NELL1: variants seen among roughly 807,000 people sequenced by gnomAD.
NELL1 encodes the protein neural EGFL like 1, also known as protein kinase C-binding protein NELL1.
Under a neutral mutation model 107.4 loss-of-function variants are expected in NELL1, and 76 were observed. The observed-to-expected ratio is 0.71, with a 90% CI of 0.59 to 0.86. NELL1 has a LOEUF of 0.86. Ranked by LOEUF, NELL1 falls within the 40% of genes least tolerant of loss-of-function variation. NELL1 has a pLI of 0.00. For synonymous variants in NELL1, 353 were observed against 341.2 expected, an observed-to-expected ratio of 1.03 and a Z score of -0.38; for missense variants, 1,024 against 1,005.5, an observed-to-expected ratio of 1.02 and a Z score of -0.25.
At chr11:20,838,150 A>T (rs1246199477) in intron 3 of NELL1, among the ~76,000 whole-genome samples, 3 of 151,772 alleles carry the variant, frequency 2.0e-5, no homozygotes, top group Non-Finnish European at 4.4e-5. Context: ...CTTCTATGGC[A>T]TTCCTCCCCA....
chr11:21,441,381 G>T (rs1026451250), intron 15 of NELL1, among the ~76,000 whole-genome samples: 2 of 123,330 alleles, frequency 1.6e-5, no homozygotes, highest in African/African-American at 6.0e-5. Context: ...GTGTGTGTGT[G>T]TTCTATGATA....
At chr11:21,002,452 G>A (rs532336609) in intron 12 of NELL1, among the ~76,000 whole-genome samples, 1 of 152,262 alleles carries the variant, frequency 6.6e-6, no homozygotes, top group African/African-American at 2.4e-5. Flanking sequence ...CTTTCTGTTT[G>A]TCTGGACAGA....
rs536566378 is a variant in NELL1, at chr11:20,745,001, G to A, written c.185-38679G>A. 1.1e-4 allele frequency among the ~76,000 whole-genome samples: 16 copies of A among 152,170 alleles called. No individual in the cohort carries two copies. In the South Asian group the frequency reaches 2.3e-3, roughly 22 times the overall value. On this transcript the variant is annotated intron_variant, in intron 2 of 19. Coordinates refer to ENST00000357134, the MANE Select transcript of NELL1 (RefSeq NM_006157.5). ...AGACATCTTTGAGGACCTTTGCCTT[G>A]GCTGAAGAAGCCTTCTCTCTACCAC...
intron 12 of NELL1, among the ~76,000 whole-genome samples, chr11:20,993,751 G>A (rs1852028527): frequency 6.6e-6 from 1 of 151,992 alleles, no homozygotes; most frequent in South Asian, 2.1e-4. Flanking sequence ...ATAATGACAA[G>A]AAAAATGTCT....
At chr11:20,910,884 G>C (rs1431861713) in intron 5 of NELL1, among the ~76,000 whole-genome samples, 1 of 152,156 alleles carries the variant, frequency 6.6e-6, no homozygotes, top group Non-Finnish European at 1.5e-5. Context: ...GATTATATAA[G>C]AATATGTATT....
At chr11:21,459,849 A>G (rs796879849) in intron 15 of NELL1, among the ~76,000 whole-genome samples, 13 of 152,230 alleles carry the variant, frequency 8.5e-5, no homozygotes, top group African/African-American at 2.9e-4. Context: ...ATGCAGACCA[A>G]TGAACTAAAG....
intron 15 of NELL1, among the ~76,000 whole-genome samples, chr11:21,450,586 A>C (rs1042844461): frequency 3.3e-5 from 5 of 152,214 alleles, no homozygotes; most frequent in African/African-American, 1.2e-4. Context: ...TGAAAGTACA[A>C]TTTAAAAATA....
intron 12 of NELL1, among the ~76,000 whole-genome samples, chr11:21,057,360 G>A (rs1853637926): frequency 6.6e-6 from 1 of 151,666 alleles, no homozygotes; most frequent in African/African-American, 2.4e-5. Flanking sequence ...TTTGGGAAGT[G>A]GATGGGAACT....
chr11:21,435,795 T>TG (rs1853098979), intron 15 of NELL1, among the ~76,000 whole-genome samples: 1 of 149,972 alleles, frequency 6.7e-6, no homozygotes, highest in African/African-American at 2.5e-5. Flanking sequence ...TGTGTGTGTG[T>TG]TTGTGTGTGT....
At chr11:21,100,822 G>GTTTCTTTC (rs200744245) in intron 12 of NELL1, among the ~76,000 whole-genome samples, 3 of 151,882 alleles carry the variant, frequency 2.0e-5, no homozygotes, top group African/African-American at 7.3e-5. Context: ...AAAGTACAAT[G>GTTTCTTTC]TTTCTTTCTT....
intron 13 of NELL1, among the ~76,000 whole-genome samples, chr11:21,133,949 C>T (rs1314923170): frequency 2.0e-5 from 3 of 152,214 alleles, no homozygotes; most frequent in Non-Finnish European, 4.4e-5. Flanking sequence ...CCATGGGGCA[C>T]GTAGCCCCAG....
intron 14 of NELL1, among the ~76,000 whole-genome samples, chr11:21,335,586 A>G (rs1045910421): frequency 6.6e-6 from 1 of 152,048 alleles, no homozygotes; most frequent in African/African-American, 2.4e-5. Flanking sequence ...TTCCCTTCAC[A>G]GGGGATCTTT....
chr11:20,991,534 A>G (rs1851971135), intron 12 of NELL1, among the ~76,000 whole-genome samples: 1 of 152,248 alleles, frequency 6.6e-6, no homozygotes, highest in South Asian at 2.1e-4. Flanking sequence ...GGCTAGAATT[A>G]AAATCCAGAT....
chr11:21,110,597 A>G (rs1036266289), intron 12 of NELL1, among the ~76,000 whole-genome samples: 30 of 152,146 alleles, frequency 2.0e-4, no homozygotes, highest in African/African-American at 6.5e-4. Context: ...ACAAGGGTCC[A>G]TGACAGGGAA....
chr11:20,871,575 G>A (rs1225285081), intron 4 of NELL1, among the ~76,000 whole-genome samples: 1 of 151,784 alleles, frequency 6.6e-6, no homozygotes, highest in Non-Finnish European at 1.5e-5. Flanking sequence ...TCTTTATAAT[G>A]CTTTGCAAAA....
In NELL1 at chr11:21,026,518, A is replaced by G. The variant is rs536306693; in HGVS notation, c.1300+65958A>G. ...CCCTTCTCTCTTATATAGTCTCCAC[A>G]GCAATCATCACTGTCTAAAATACTA... On this transcript the variant is annotated intron_variant, in intron 12 of 19. Coordinates refer to ENST00000357134, the MANE Select transcript of NELL1 (RefSeq NM_006157.5). 6.1e-4 allele frequency among the ~76,000 whole-genome samples: 93 copies of G among 152,224 alleles called. 1 individual carries two copies. In the South Asian group the frequency reaches 1.0e-2, roughly 16 times the overall value.
At position 21,069,783 on chromosome 11, in the gene NELL1, A is replaced by G. The variant is rs911296661; in HGVS notation, c.1301-43806A>G. Among the ~76,000 whole-genome samples, 10 of 152,236 alleles carry G rather than the reference A, an allele frequency of 6.6e-5. No homozygotes were observed. The East Asian group carries it at 1.9e-3, about 29-fold the overall frequency. On this transcript the variant is annotated intron_variant, in intron 12 of 19. Coordinates refer to ENST00000357134, the MANE Select transcript of NELL1 (RefSeq NM_006157.5). ...TAAGGGCCGGTGGTGTAGACTAGAA[A>G]AATATGGATTTTGCAGGCAGGAGGC...
chr11:21,450,986 G>T (rs1270836440), intron 15 of NELL1, among the ~76,000 whole-genome samples: 3 of 151,520 alleles, frequency 2.0e-5, no homozygotes, highest in Non-Finnish European at 4.4e-5. Flanking sequence ...GTCAGGAGAT[G>T]GAGACCATCC....
chr11:21,527,510 A>C (rs1329977997), intron 15 of NELL1, among the ~76,000 whole-genome samples: 1 of 152,152 alleles, frequency 6.6e-6, no homozygotes, highest in South Asian at 2.1e-4. Context: ...CAAAATCTGT[A>C]TTAGTCAGGG....
Sources: gnomAD v4.1 joint callset for allele counts (sites outside exome capture counted in the v4.1 genomes callset) on GRCh38, gnomAD v4.1.1 for gene constraint, MANE v1.5 for transcripts, NCBI Gene and HGNC (gene_info 2026-07-23, HGNC 2026-07-21) for gene names.